The following LRGUK variants were observed in gnomAD, a reference collection of about 807,000 sequenced individuals.
LRGUK encodes the protein leucine-rich repeat and guanylate kinase domain-containing protein.
Under a neutral mutation model 76.0 loss-of-function variants are expected in LRGUK, and 65 were observed. That is an observed-to-expected ratio of 0.85 (90% CI 0.70 to 1.05). The LOEUF (loss-of-function observed/expected upper bound fraction) is 1.05, where lower values mean the gene tolerates loss of function less well. LRGUK is among the 50% of genes least tolerant of loss of function. LRGUK has a pLI of 0.00. For missense variants in LRGUK, 758 were observed against 732.8 expected, an observed-to-expected ratio of 1.03 and a Z score of -0.40; for synonymous variants, 268 against 265.6, an observed-to-expected ratio of 1.01 and a Z score of -0.09.
intron 13 of LRGUK, among the ~76,000 whole-genome samples, chr7:134,198,971 GATTA>G: frequency 6.6e-6 from 1 of 152,230 alleles, no homozygotes; most frequent in East Asian, 1.9e-4. Context: ...TCATTAGAAT[GATTA>G]ATTAAAGGAA....
chr7:134,180,725 T>C (rs1799703919), intron 10 of LRGUK, among the ~76,000 whole-genome samples: 1 of 152,220 alleles, frequency 6.6e-6, no homozygotes, highest in South Asian at 2.1e-4. Context: ...CCATGTTTTT[T>C]ATTGTGGTAA....
downstream of LRGUK, among the ~76,000 whole-genome samples, chr7:134,211,657 TA>T (rs1801276487): frequency 6.6e-6 from 1 of 152,252 alleles, no homozygotes; most frequent in Non-Finnish European, 1.5e-5. Context: ...AAATCTCATG[TA>T]AATTAGCTCA....
chr7:134,266,746 G>A (rs559082463), downstream of LRGUK, among the ~76,000 whole-genome samples: 14 of 152,142 alleles, frequency 9.2e-5, no homozygotes, highest in African/African-American at 2.9e-4. Context: ...TTTTAAAAAT[G>A]ACCCGAAATC....
chr7:134,231,951 C>T (rs1480513883), intron 16 of LRGUK, among the ~76,000 whole-genome samples: 1 of 151,758 alleles, frequency 6.6e-6, no homozygotes, highest in African/African-American at 2.4e-5. Flanking sequence ...TGCCTTCTTC[C>T]CATTTCCTCA....
rs374489449 is a variant in LRGUK at position 134,195,033 on chromosome 7, G to A, written c.1432-1959G>A. The stretch of plus-strand genomic sequence containing the variant: ...GTGGGTGGGGGGAAGCCAGTGAGCC[G>A]GGAGTGCTGATTGGTCAGAGATGAA... On this transcript the variant is annotated intron_variant, in intron 12 of 15. Transcript: ENST00000645682. Among the ~76,000 whole-genome samples, 31 of 152,250 alleles carry A rather than the reference G, an allele frequency of 2.0e-4. 1 individual carries two copies. The Middle Eastern group carries it at 0.01, about 50-fold the overall frequency.
At chr7:134,156,787 G>A (rs553851476) in intron 5 of LRGUK, among the ~76,000 whole-genome samples, 1 of 152,284 alleles carries the variant, frequency 6.6e-6, no homozygotes, top group African/African-American at 2.4e-5. Context: ...AGGGCAGAAA[G>A]TAATGGATAT....
chr7:134,178,403 G>T, intron 9 of LRGUK, 100 bp from the exon 10 acceptor site: 1 of 728,470 alleles, frequency 1.4e-6, no homozygotes. Context: ...TGTGTACCTG[G>T]CTGCACGTGA....
intron 7 of LRGUK, among the ~76,000 whole-genome samples, chr7:134,171,981 A>G (rs1208227518): frequency 6.6e-6 from 1 of 152,022 alleles, no homozygotes; most frequent in Non-Finnish European, 1.5e-5. Flanking sequence ...CTCCCATCTT[A>G]CCTCATCCTA....
chr7:134,158,580 C>A (rs1175775670), intron 6 of LRGUK, among the ~76,000 whole-genome samples: 12 of 152,104 alleles, frequency 7.9e-5, no homozygotes, highest in Non-Finnish European at 1.8e-4. Flanking sequence ...AAGATGTTTT[C>A]TGGGCACTGA....
chr7:134,208,259 T>TAAGA (rs1304478513), intron 15 of LRGUK, among the ~76,000 whole-genome samples: 1 of 152,186 alleles, frequency 6.6e-6, no homozygotes, highest in Non-Finnish European at 1.5e-5. Context: ...ACGGCTTATA[T>TAAGA]AAGAGGGCTG....
chr7:134,158,472 T>C (rs1212871177), intron 6 of LRGUK, among the ~76,000 whole-genome samples: 1 of 152,214 alleles, frequency 6.6e-6, no homozygotes, highest in Non-Finnish European at 1.5e-5. Context: ...TATTTAAAAA[T>C]ATTTTTTATA....
chr7:134,207,890 T>C (rs1334601062), intron 15 of LRGUK, among the ~76,000 whole-genome samples: 1 of 152,154 alleles, frequency 6.6e-6, no homozygotes, highest in Non-Finnish European at 1.5e-5. Context: ...GAACAAGCGC[T>C]CACTGAACAA....
Position 134,217,791 on chromosome 7 carries a change from A to T in LRGUK, c.1844-3988A>T, listed in dbSNP as rs867228913. On this transcript the variant is annotated intron_variant, in intron 15 of 19. Transcript: ENST00000285928. ...ATAGCAGATTATTCTGTTTTCTTTTAAGCTCTTTTTTATGACTACATATTT... is the reference window on the plus strand; with the variant it reads ...ATAGCAGATTATTCTGTTTTCTTTTTAGCTCTTTTTTATGACTACATATTT... 4.6e-5 allele frequency among the ~76,000 whole-genome samples: 7 copies of T among 152,234 alleles called. No individual in the cohort carries two copies. The South Asian group carries it at 1.5e-3, about 32-fold the overall frequency.
chr7:134,211,211 G>C (rs1184267040), downstream of LRGUK, among the ~76,000 whole-genome samples: 2 of 152,228 alleles, frequency 1.3e-5, no homozygotes, highest in Non-Finnish European at 1.5e-5. Flanking sequence ...TTGTTGCAGA[G>C]GGATGCAGCT....
At chr7:134,256,512 C>T (rs1802589186) in intron 18 of LRGUK, among the ~76,000 whole-genome samples, 1 of 149,844 alleles carries the variant, frequency 6.7e-6, no homozygotes, top group African/African-American at 2.5e-5. Context: ...GGTTAGTTTT[C>T]CAAGCCAGCA....
At chr7:134,209,846 G>A (rs1461649190) in exon 16 of LRGUK, 7 of 399,194 alleles carry the variant, frequency 1.8e-5, no homozygotes. Context: ...CCAGGAGCAA[G>A]CAGAACCTCG....
chr7:134,139,509 A>T lies in LRGUK; in HGVS notation c.479A>T (p.Lys160Ile), dbSNP rs572216033. ...CAGAAGTTGGATCTTTCAGCGAATA[A>T]AATTGAAGGTATGTAATTGTCATTC... The change falls in exon 3 of 16, where the codon AAA (lysine) becomes ATA (isoleucine). Residue 160 changes from lysine to isoleucine, a missense_variant. Transcript: ENST00000645682. 29 of 1,596,730 alleles carry T rather than the reference A, an allele frequency of 1.8e-5. No individual in the cohort carries two copies. In the South Asian group the frequency reaches 3.1e-4, roughly 17 times the overall value.
intron 3 of LRGUK, among the ~76,000 whole-genome samples, chr7:134,141,378 A>G (rs1388399801): frequency 2.6e-5 from 4 of 152,064 alleles, no homozygotes; most frequent in Non-Finnish European, 5.9e-5. Context: ...ATTTCGAATA[A>G]GCTCCTGGAT....
At chr7:134,201,513 C>G in exon 15 of LRGUK, 1 of 1,613,876 alleles carries the variant, frequency 6.2e-7, no homozygotes. Context: ...AAAACTGAGT[C>G]AGCTCATTAG....
Sources: allele counts gnomAD v4.1 joint callset (sites outside exome capture counted in the v4.1 genomes callset), GRCh38; gene constraint gnomAD v4.1.1; transcripts MANE v1.5; gene names NCBI Gene and HGNC (gene_info 2026-07-23, HGNC 2026-07-21).